CTNND2: variants seen among roughly 807,000 people sequenced by gnomAD.
CTNND2 encodes the protein catenin delta 2.
Under a neutral mutation model 144.4 loss-of-function variants are expected in CTNND2, and 22 were observed. The ratio of observed to expected loss-of-function variants is 0.15; its 90% CI spans 0.11 to 0.22. The LOEUF is 0.22. CTNND2 is among the 10% of genes least tolerant of loss of function. The pLI, the probability that CTNND2 is intolerant of heterozygous loss-of-function variation, is 1.00. For synonymous variants in CTNND2, 751 were observed against 695.6 expected (o/e 1.08, Z -1.25); for missense variants, 1,353 against 1,618.8 (o/e 0.84, Z 2.82).
rs987341798 is a variant in CTNND2, at chr5:11,530,623, G to A, written c.287+34321C>T. On this transcript the variant is annotated intron_variant, in intron 3 of 21. Transcript: ENST00000304623. ...CAGGGCTTCAGACCTCCAGGCCTCA[G>A]CACTGCACTCAAAATACTAGAATGT... Among the ~76,000 whole-genome samples the A allele has an allele frequency of 2.0e-5, 3 of 152,302 alleles. No homozygotes were observed. In the South Asian group the frequency reaches 6.2e-4, roughly 32 times the overall value.
At chr5:11,298,278 C>G (rs879456373) in intron 9 of CTNND2, among the ~76,000 whole-genome samples, 19 of 152,146 alleles carry the variant, frequency 1.2e-4, no homozygotes, top group Admixed American at 1.2e-3. Flanking sequence ...TCAAGTGTTC[C>G]TCCCACCTCA....
intron 1 of CTNND2, among the ~76,000 whole-genome samples, chr5:11,881,762 G>C (rs1736134368): frequency 1.3e-5 from 2 of 152,022 alleles, no homozygotes; most frequent in Non-Finnish European, 2.9e-5. Flanking sequence ...ATACTCAAAA[G>C]ATTGCTGGAC....
chr5:11,609,495 G>T (rs1029962292), intron 2 of CTNND2, among the ~76,000 whole-genome samples: 2 of 152,130 alleles, frequency 1.3e-5, no homozygotes, highest in Admixed American at 6.5e-5. Flanking sequence ...ACCTGACAGA[G>T]AATTATTAAT....
chr5:11,294,718 C>A (rs1020800747), intron 9 of CTNND2, among the ~76,000 whole-genome samples: 5 of 152,132 alleles, frequency 3.3e-5, no homozygotes, highest in African/African-American at 1.2e-4. Flanking sequence ...ATAAACAGAA[C>A]CAGTGACAAA....
At chr5:11,340,972 A>G (rs1754210462) in intron 9 of CTNND2, among the ~76,000 whole-genome samples, 1 of 152,206 alleles carries the variant, frequency 6.6e-6, no homozygotes, top group Admixed American at 6.5e-5. Flanking sequence ...ACTGTTATAA[A>G]CATTGTTGTC....
intron 11 of CTNND2, among the ~76,000 whole-genome samples, chr5:11,184,717 C>T (rs765169558): frequency 2.0e-5 from 3 of 152,126 alleles, no homozygotes; most frequent in Non-Finnish European, 2.9e-5. Flanking sequence ...GTCTCATCAA[C>T]GAGGACACAG....
intron 3 of CTNND2, among the ~76,000 whole-genome samples, chr5:11,470,968 ATATATATATATATT>A (rs1767139801): frequency 1.1e-5 from 1 of 93,098 alleles, no homozygotes; most frequent in Non-Finnish European, 2.1e-5. Flanking sequence ...ATATATATAT[ATATATATATATATT>A]TTTTTTTTTT....
chr5:11,661,971 G>A (rs1260002139), intron 2 of CTNND2, among the ~76,000 whole-genome samples: 3 of 150,804 alleles, frequency 2.0e-5, no homozygotes, highest in African/African-American at 7.3e-5. Flanking sequence ...AGAACTAATA[G>A]GATACATGTA....
chr5:11,579,778 A>T (rs182051646), intron 2 of CTNND2, among the ~76,000 whole-genome samples: 1 of 152,326 alleles, frequency 6.6e-6, no homozygotes, highest in East Asian at 1.9e-4. Flanking sequence ...CAACCAAATT[A>T]TCTTTGTGTC....
At chr5:11,056,394 T>C (rs750664894) in intron 16 of CTNND2, among the ~76,000 whole-genome samples, 21 of 152,212 alleles carry the variant, frequency 1.4e-4, no homozygotes, top group Non-Finnish European at 2.8e-4. Context: ...TTAGTATATA[T>C]TAAAACCTGA....
At chr5:11,225,885 C>T (rs767195050) in intron 10 of CTNND2, among the ~76,000 whole-genome samples, 1 of 152,150 alleles carries the variant, frequency 6.6e-6, no homozygotes, top group Non-Finnish European at 1.5e-5. Flanking sequence ...AGGCTAGGTC[C>T]TAATCCAGTA....
intron 9 of CTNND2, among the ~76,000 whole-genome samples, chr5:11,307,665 C>T (rs1039908892): frequency 2.0e-5 from 3 of 151,970 alleles, no homozygotes; most frequent in African/African-American, 7.3e-5. Context: ...AAATATTAGT[C>T]TAATGATGAA....
chr5:11,236,999 G>C lies in CTNND2; in HGVS notation c.1629-176C>G, dbSNP rs966703086. ...AAGGGGATTTGGAAGAGATTCCCTT[G>C]AGTAAATAGTTTTCTTTCTTTTCTT... On this transcript the variant is annotated intron_variant, in intron 9 of 21. Coordinates refer to ENST00000304623, the MANE Select transcript of CTNND2 (RefSeq NM_001332.4). Among the ~76,000 whole-genome samples the C allele has an allele frequency of 3.0e-4, 45 of 151,638 alleles. 1 individual carries two copies. The highest frequency in any genetic ancestry group is 2.1e-4 in the South Asian group (1 of 4,782).
chr5:11,014,207 A>C (rs1358922062), intron 18 of CTNND2, among the ~76,000 whole-genome samples: 2 of 151,654 alleles, frequency 1.3e-5, no homozygotes, highest in Non-Finnish European at 2.9e-5. Flanking sequence ...TAATTCTATG[A>C]CCTCCCCCTC....
chr5:11,229,015 T>C (rs1740678084), intron 10 of CTNND2, among the ~76,000 whole-genome samples: 1 of 152,248 alleles, frequency 6.6e-6, no homozygotes, highest in African/African-American at 2.4e-5. Context: ...TGGGCCTGTG[T>C]AAGTTTACTA....
Position 11,404,763 on chromosome 5 carries a change from G to A in CTNND2, c.439+6773C>T, listed in dbSNP as rs368874555. On this transcript the variant is annotated intron_variant, in intron 5 of 21. Coordinates refer to ENST00000304623, the MANE Select transcript of CTNND2 (RefSeq NM_001332.4). ...CTCTCAAGTAGCTGGGATTACAGGG[G>A]TGCCCCACCATGCCCGGCTAATTTT... Among the ~76,000 whole-genome samples the A allele has an allele frequency of 1.6e-4, 25 of 151,764 alleles. No individual in the cohort carries two copies. The East Asian group carries it at 3.1e-3, about 19-fold the overall frequency.
chr5:11,361,130 C>T, intron 8 of CTNND2, among the ~76,000 whole-genome samples: 1 of 152,120 alleles, frequency 6.6e-6, no homozygotes, highest in East Asian at 1.9e-4. Flanking sequence ...AAGTGATTCT[C>T]CTGCCTCAGC....
chr5:11,485,387 G>A lies in CTNND2; in HGVS notation c.288-73318C>T, dbSNP rs945365684. Among the ~76,000 whole-genome samples, 224 of 149,538 alleles carry A rather than the reference G, an allele frequency of 1.5e-3. 4 individuals are homozygous for A. The East Asian group carries it at 0.033, about 22-fold the overall frequency. On this transcript the variant is annotated intron_variant, in intron 3 of 21. Transcript: ENST00000304623. ...TGTGTGTGTGTGTGCGCGCGCGCGC[G>A]TGCGCGCGCACATTCAATGCAATCC... is the stretch of plus-strand genomic sequence containing the variant.
At chr5:11,679,841 T>A (rs1784346294) in intron 2 of CTNND2, among the ~76,000 whole-genome samples, 1 of 152,164 alleles carries the variant, frequency 6.6e-6, no homozygotes, top group Non-Finnish European at 1.5e-5. Context: ...AACAACCAGC[T>A]CCCTGACCTC....
Sources: allele counts gnomAD v4.1 joint callset (sites outside exome capture counted in the v4.1 genomes callset), GRCh38; gene constraint gnomAD v4.1.1; transcripts MANE v1.5; gene names NCBI Gene and HGNC (gene_info 2026-07-23, HGNC 2026-07-21).